COL6A3: variants seen among roughly 807,000 people sequenced by gnomAD.
The protein encoded by COL6A3 is collagen alpha-3(VI) chain.
Under a neutral mutation model 274.1 loss-of-function variants are expected in COL6A3, and 137 were observed. The observed-to-expected ratio is 0.50, with a 90% confidence interval of 0.44 to 0.58. The LOEUF (loss-of-function observed/expected upper bound fraction) is 0.58, where lower values mean the gene tolerates loss of function less well. COL6A3 is among the 20% of genes least tolerant of loss of function. COL6A3 has a pLI of 0.00. For synonymous variants in COL6A3, 1,650 were observed against 1,650.6 expected, an observed-to-expected ratio of 1.00 and a Z score of 0.01; for missense variants, 3,950 against 4,124.9, an observed-to-expected ratio of 0.96 and a Z score of 1.16.
At position 237,334,842 on chromosome 2, in the gene COL6A3, C is replaced by T. The variant is rs551422404; in HGVS notation, c.9013G>A (p.Ala3005Thr). The T allele has an allele frequency of 1.2e-5, 19 of 1,614,126 alleles. No individual in the cohort carries two copies. The highest frequency in any genetic ancestry group is 1.1e-4 in the South Asian group (10 of 91,062). Residue 3005 changes from alanine (A) to threonine (T), a missense_variant, in exon 41 of 44, where the codon GCC (alanine) becomes ACC (threonine). Around this residue, in one of 5 missense-constraint regions of COL6A3, gnomAD observed 1,284 missense variants for 1,349.7 expected, o/e 0.95. Coordinates refer to ENST00000295550, the MANE Select transcript of COL6A3 (RefSeq NM_004369.4). The stretch of plus-strand genomic sequence containing the variant: ...TCAGCCCTCTCCCAGTGGAGTTTGG[C>T]GCTGTTCTCTGTTATCTCAAACACC... ...VQVFEITENS[A>T]KLHWERAEPP...
Position 237,365,989 on chromosome 2 carries a change from C to G in COL6A3, c.5547G>C (p.Gln1849His), listed in dbSNP as rs201313985. The change falls in exon 12 of 44, where the codon CAG (glutamine) becomes CAC (histidine). Residue 1849 changes from glutamine (Q) to histidine (H), a missense_variant. Transcript: ENST00000295550. ...AGCCCTTCTGGGCCACAAAAACATTCTGGTCTCTAGAACCATCAAACCCCA... is the reference window on the plus strand; with the variant it reads ...AGCCCTTCTGGGCCACAAAAACATTGTGGTCTCTAGAACCATCAAACCCCA... Reference protein sequence around the residue: ...VILGFDGSRDQNVFVAQKGFE... With the variant: ...VILGFDGSRDHNVFVAQKGFE... 8.7e-6 allele frequency: 14 copies of G among 1,613,986 alleles called. No individual in the cohort carries two copies. In the Admixed American group the frequency reaches 2.3e-4, roughly 27 times the overall value.
At chr2:237,377,950 C>T (rs922184088) in intron 6 of COL6A3, among the ~76,000 whole-genome samples, 1 of 152,248 alleles carries the variant, frequency 6.6e-6, no homozygotes, top group Non-Finnish European at 1.5e-5. Context: ...ACACAGATGA[C>T]AGGCCCTATG....
chr2:237,412,679 T>G (rs996490255), intron 1 of COL6A3, among the ~76,000 whole-genome samples: 2 of 152,220 alleles, frequency 1.3e-5, no homozygotes, highest in African/African-American at 2.4e-5. Context: ...AACTTTGATT[T>G]TAAAGCCATT....
At position 237,341,281 on chromosome 2, in the gene COL6A3, C is replaced by T. The variant is rs1201407585; in HGVS notation, c.7766-131G>A. 3.4e-6 allele frequency: 3 copies of T among 890,192 alleles called. No individual in the cohort carries two copies. The Admixed American group carries it at 5.9e-5, about 17-fold the overall frequency. 55.1% of individuals were successfully genotyped at this position (890,192 alleles called of 1,614,324 possible). On this transcript the variant is annotated intron_variant, in intron 37 of 43. Transcript: ENST00000295550. Reference sequence around the variant, plus strand: ...CAAAAGCGGGCCGGAAGCGGTGGCTCACGCCTGTAATCCCAGCACTTTGGG... The same window carrying T: ...CAAAAGCGGGCCGGAAGCGGTGGCTTACGCCTGTAATCCCAGCACTTTGGG...
Position 237,341,147 on chromosome 2 carries a change from A to T in COL6A3, c.7769T>A (p.Ile2590Asn). Residue 2590 changes from isoleucine (I) to asparagine (N), a missense_variant, in exon 38 of 44, where the codon ATC (isoleucine) becomes AAC (asparagine). Around this residue, in one of 5 missense-constraint regions of COL6A3, gnomAD observed 1,284 missense variants for 1,349.7 expected, o/e 0.95. Transcript: ENST00000295550. ...NVLTCHVCLD[I>N]CNIDPSCGFG... is the part of the protein sequence containing the mutation. ...TCCACAGGATGGGTCGATGTTGCAG[A>T]TGTCTAGAAAGAAGCATGGCAGCCT... The T allele has an allele frequency of 2.5e-6, 4 of 1,614,098 alleles. No individual in the cohort carries two copies. The highest frequency in any genetic ancestry group is 3.4e-6 in the Non-Finnish European group (4 of 1,179,994).
chr2:237,408,988 CAT>C (rs2106406867), intron 1 of COL6A3, among the ~76,000 whole-genome samples: 1 of 152,268 alleles, frequency 6.6e-6, no homozygotes, highest in South Asian at 2.1e-4. Context: ...CCTTTCTCCA[CAT>C]GGCACCCTAA....
rs772894785 is a variant in COL6A3, at chr2:237,376,935, C to T, written c.2907G>A (p.Val969=). ...PASNLKQSGV[V]PFIFQAKNAD... is the part of the protein sequence containing the mutation. ...CGTTCTTGGCTTGGAAGATGAAAGGCACAACCCCACTCTGCTTCAGGTTAC... is the reference window on the plus strand; with the variant it reads ...CGTTCTTGGCTTGGAAGATGAAAGGTACAACCCCACTCTGCTTCAGGTTAC... Residue 969 remains valine, a synonymous_variant, in exon 7 of 44, where the codon GTG becomes GTA. Coordinates refer to ENST00000295550, the MANE Select transcript of COL6A3 (RefSeq NM_004369.4). 47 of 1,614,252 alleles carry T rather than the reference C, an allele frequency of 2.9e-5. No individual in the cohort carries two copies. The highest frequency in any genetic ancestry group is 3.7e-5 in the Non-Finnish European group (44 of 1,180,034).
intron 1 of COL6A3, among the ~76,000 whole-genome samples, chr2:237,406,081 C>T (rs1053265644): frequency 2.0e-5 from 3 of 152,086 alleles, no homozygotes; most frequent in African/African-American, 7.2e-5. Flanking sequence ...ATTTGAGGTG[C>T]CTTTTTCCGT....
At chr2:237,391,506 G>GTTTC (rs985179722) in intron 3 of COL6A3, among the ~76,000 whole-genome samples, 9 of 38,648 alleles carry the variant, frequency 2.3e-4, no homozygotes, top group African/African-American at 1.0e-3. Context: ...CCCTTTCACT[G>GTTTC]TTTGTTTGTT....
intron 16 of COL6A3, among the ~76,000 whole-genome samples, chr2:237,360,650 T>C (rs1282077402): frequency 6.6e-6 from 1 of 152,038 alleles, no homozygotes; most frequent in East Asian, 1.9e-4. Context: ...TGGGCATTGC[T>C]CCCATGGACC....
chr2:237,399,575 G>T (rs1258107543), intron 1 of COL6A3, among the ~76,000 whole-genome samples: 2 of 152,214 alleles, frequency 1.3e-5, no homozygotes, highest in Non-Finnish European at 2.9e-5. Context: ...TTTGGAAAGT[G>T]CTGAATACCA....
At chr2:237,360,028 G>C in intron 17 of COL6A3, 60 bp downstream of exon 17, 1 of 1,551,610 alleles carries the variant, frequency 6.4e-7, no homozygotes, top group East Asian at 2.3e-5. Context: ...GCAGCATCTG[G>C]AGAAACTGCG....
At chr2:237,334,143 G>A (rs762367856) in intron 41 of COL6A3, among the ~76,000 whole-genome samples, 2 of 152,198 alleles carry the variant, frequency 1.3e-5, no homozygotes, top group Non-Finnish European at 2.9e-5. Flanking sequence ...GCCCAACTAT[G>A]GTGAGATCAG....
At chr2:237,358,029 T>A in intron 21 of COL6A3, 147 bp from the exon 22 acceptor site, 1 of 785,594 alleles carries the variant, frequency 1.3e-6, no homozygotes, top group Non-Finnish European at 2.3e-6. Flanking sequence ...CCAGGTAACA[T>A]CCATGCAGGT....
rs748029252 is a variant in COL6A3 at position 237,344,753 on chromosome 2, C to T, written c.7265G>A (p.Arg2422Gln). The change falls in exon 36 of 44, where the codon CGA becomes CAA. Residue 2422 changes from arginine to glutamine, a missense_variant. By Grantham distance (43) the Arg-to-Gln change is conservative. Coordinates refer to ENST00000295550, the MANE Select transcript of COL6A3 (RefSeq NM_004369.4). This position sits in a 1 kb window ranked among gnomAD's most constrained non-coding sequence, Gnocchi z 4.8. ...GVNQDTFGRM[R>Q]DVVLSIVNDL... Reference sequence around the variant, plus strand: ...ATTCACAATACTCAAGACCACATCTCGCATCCGGCCGAAAGTGTCTTGGTT... The same window carrying T: ...ATTCACAATACTCAAGACCACATCTTGCATCCGGCCGAAAGTGTCTTGGTT... 11 of 1,600,522 alleles carry T rather than the reference C, an allele frequency of 6.9e-6. No individual in the cohort carries two copies. Among genetic ancestry groups the T allele is most frequent in the Admixed American group, 6.8e-5 (4 of 58,654 alleles).
At chr2:237,354,248 C>T (rs1410081450) in intron 24 of COL6A3, among the ~76,000 whole-genome samples, 1 of 151,964 alleles carries the variant, frequency 6.6e-6, no homozygotes, top group Non-Finnish European at 1.5e-5. Context: ...GAACTCCCAA[C>T]CTCAGGTGAT....
In COL6A3 at chr2:237,372,262, C is replaced by T. The variant is rs201314411; in HGVS notation, c.3755G>A (p.Arg1252His). ...GTCAACCAGCCTCTCTATGAGGGTG[C>T]GAACGTACTGGAACTCAGGCCCGGC... ...QSAGPEFQYV[R>H]TLIERLVDYL... Residue 1252 changes from arginine (R) to histidine (H), a missense_variant, in exon 9 of 44, where the codon CGC becomes CAC. Arg to His is a conservative substitution (Grantham distance 29, BLOSUM62 0). Coordinates refer to ENST00000295550, the MANE Select transcript of COL6A3 (RefSeq NM_004369.4). 1.5e-4 allele frequency: 239 copies of T among 1,613,638 alleles called. No individual in the cohort carries two copies. The highest frequency in any genetic ancestry group is 6.9e-5 in the Non-Finnish European group (81 of 1,180,046).
At chr2:237,401,215 T>C (rs1394956965) in intron 1 of COL6A3, among the ~76,000 whole-genome samples, 2 of 152,318 alleles carry the variant, frequency 1.3e-5, no homozygotes, top group East Asian at 3.9e-4. Context: ...AGAATTATCA[T>C]ATAATTCATC....
intron 6 of COL6A3, among the ~76,000 whole-genome samples, 153 bp from the exon 7 acceptor site, chr2:237,377,497 A>T (rs951012316): frequency 4.6e-5 from 7 of 152,120 alleles, no homozygotes; most frequent in African/African-American, 1.4e-4. Context: ...AATTCATACC[A>T]CTTGTCTTGA....
Sources: allele counts gnomAD v4.1 joint callset (sites outside exome capture counted in the v4.1 genomes callset), GRCh38; gene constraint gnomAD v4.1.1; regional missense constraint gnomAD v4.1.1; non-coding constraint Gnocchi (gnomAD v3.1); transcripts MANE v1.5; gene names NCBI Gene and HGNC (gene_info 2026-07-23, HGNC 2026-07-21).